Variants in MACROD2 observed in about 807,000 individuals in gnomAD.
The protein encoded by MACROD2 is ADP-ribose glycohydrolase MACROD2.
Under a neutral mutation model 70.4 loss-of-function variants are expected in MACROD2, and 36 were observed. The observed-to-expected ratio is 0.51, with a 90% CI of 0.39 to 0.68. The LOEUF is 0.68. Among genes scored for constraint, MACROD2 ranks in the 30% least tolerant of loss-of-function variants. MACROD2 has a pLI of 0.00. For missense variants in MACROD2, 496 were observed against 538.4 expected (o/e 0.92, Z 0.78); for synonymous variants, 172 against 178.8 (o/e 0.96, Z 0.30).
At chr20:15,889,082 T>C (rs1356308451) in intron 10 of MACROD2, among the ~76,000 whole-genome samples, 3 of 152,170 alleles carry the variant, frequency 2.0e-5, no homozygotes, top group Non-Finnish European at 4.4e-5. Context: ...ACAACTTGAA[T>C]ACCTAAACCC....
At chr20:14,505,297 C>T (rs1299087138) in intron 4 of MACROD2, among the ~76,000 whole-genome samples, 1 of 152,122 alleles carries the variant, frequency 6.6e-6, no homozygotes, top group Non-Finnish European at 1.5e-5. Flanking sequence ...AATTTCAACT[C>T]CCACAAGTTT....
intron 5 of MACROD2, among the ~76,000 whole-genome samples, chr20:14,762,781 T>G: frequency 6.6e-6 from 1 of 151,770 alleles, no homozygotes; most frequent in East Asian, 1.9e-4. Flanking sequence ...AATGCAAAAA[T>G]TAGCCAGATG....
chr20:15,777,853 C>CTGA (rs2051759307), intron 8 of MACROD2, among the ~76,000 whole-genome samples: 1 of 152,088 alleles, frequency 6.6e-6, no homozygotes, highest in South Asian at 2.1e-4. Context: ...CCATGCTGGC[C>CTGA]AGGCTGGTTC....
intron 3 of MACROD2, among the ~76,000 whole-genome samples, chr20:14,415,461 C>T (rs2083793527): frequency 6.6e-6 from 1 of 152,134 alleles, no homozygotes; most frequent in Non-Finnish European, 1.5e-5. Context: ...TAATATAGTT[C>T]AGATTGTCTG....
At chr20:14,675,132 A>G (rs1392924317) in intron 4 of MACROD2, among the ~76,000 whole-genome samples, 1 of 152,216 alleles carries the variant, frequency 6.6e-6, no homozygotes, top group Non-Finnish European at 1.5e-5. Context: ...AGCACTCTTC[A>G]GGATATTATC....
chr20:16,011,530 G>T (rs1259191106), intron 15 of MACROD2, among the ~76,000 whole-genome samples: 3 of 152,212 alleles, frequency 2.0e-5, no homozygotes, highest in African/African-American at 7.2e-5. Context: ...TTATTTGGGG[G>T]AATGCAAGGA....
intron 3 of MACROD2, among the ~76,000 whole-genome samples, chr20:14,225,177 A>G (rs1223910689): frequency 6.6e-6 from 1 of 152,184 alleles, no homozygotes; most frequent in East Asian, 1.9e-4. Flanking sequence ...TGCAAGGTGA[A>G]AACAAATAAT....
chr20:15,834,568 A>G (rs1220488524), intron 8 of MACROD2, among the ~76,000 whole-genome samples: 2 of 152,000 alleles, frequency 1.3e-5, no homozygotes, highest in African/African-American at 4.8e-5. Context: ...ATCTCATCAT[A>G]TACAAGTCTG....
At chr20:14,140,873 T>C (rs1191940689) in intron 3 of MACROD2, among the ~76,000 whole-genome samples, 1 of 152,302 alleles carries the variant, frequency 6.6e-6, no homozygotes, top group East Asian at 1.9e-4. Flanking sequence ...TCTATATGGA[T>C]CTTTCCTTCT....
chr20:14,955,372 TA>T (rs1418065724), intron 5 of MACROD2, among the ~76,000 whole-genome samples: 1 of 148,500 alleles, frequency 6.7e-6, no homozygotes, highest in East Asian at 1.9e-4. Context: ...TATATAACTA[TA>T]GTTATAATTT....
intron 8 of MACROD2, among the ~76,000 whole-genome samples, chr20:15,619,996 A>G (rs956376509): frequency 6.6e-6 from 1 of 152,098 alleles, no homozygotes; most frequent in South Asian, 2.1e-4. Context: ...ACGAATCTTC[A>G]TTCCAGATAG....
chr20:15,081,973 A>G (rs1220439112), intron 5 of MACROD2, among the ~76,000 whole-genome samples: 2 of 152,194 alleles, frequency 1.3e-5, no homozygotes, highest in Non-Finnish European at 2.9e-5. Context: ...GGAGGTATGA[A>G]AATGGATGTC....
chr20:14,721,352 T>C (rs2071467624), intron 5 of MACROD2, among the ~76,000 whole-genome samples: 1 of 151,742 alleles, frequency 6.6e-6, no homozygotes. Flanking sequence ...TTGGCATAAT[T>C]ATAAATTGCA....
chr20:15,228,912 C>T (rs768552753), intron 5 of MACROD2, among the ~76,000 whole-genome samples: 41 of 152,010 alleles, frequency 2.7e-4, no homozygotes, highest in Admixed American at 1.0e-3. Context: ...TGAGTGGTAA[C>T]GATTAGTCAA....
At chr20:15,053,846 T>C (rs1273524814) in intron 5 of MACROD2, among the ~76,000 whole-genome samples, 1 of 152,222 alleles carries the variant, frequency 6.6e-6, no homozygotes, top group Non-Finnish European at 1.5e-5. Flanking sequence ...CCATTCTAGA[T>C]GTTATTAAAA....
chr20:14,507,002 A>T (rs1458649618), intron 4 of MACROD2, among the ~76,000 whole-genome samples: 3 of 152,194 alleles, frequency 2.0e-5, no homozygotes, highest in Non-Finnish European at 4.4e-5. Context: ...ATACTATATC[A>T]TTCAAAACAC....
chr20:14,816,453 A>C (rs528116875), intron 5 of MACROD2, among the ~76,000 whole-genome samples: 1 of 152,126 alleles, frequency 6.6e-6, no homozygotes, highest in East Asian at 1.9e-4. Context: ...GACAAATTAC[A>C]GAAGACCTTC....
intron 5 of MACROD2, among the ~76,000 whole-genome samples, chr20:15,101,887 T>G (rs2075875794): frequency 6.6e-6 from 1 of 152,056 alleles, no homozygotes; most frequent in Non-Finnish European, 1.5e-5. Context: ...ATTATTTCAT[T>G]TATTTATTCG....
At chr20:14,616,747 C>G (rs527791759) in intron 4 of MACROD2, among the ~76,000 whole-genome samples, 4 of 152,048 alleles carry the variant, frequency 2.6e-5, no homozygotes, top group Admixed American at 1.3e-4. Context: ...GATGGATGAA[C>G]TGATCATCCC....
Sources: allele counts gnomAD v4.1 joint callset (sites outside exome capture counted in the v4.1 genomes callset), GRCh38; gene constraint gnomAD v4.1.1; transcripts MANE v1.5; gene names NCBI Gene and HGNC (gene_info 2026-07-23, HGNC 2026-07-21).